The following LETM2 variants were observed in gnomAD, a reference collection of about 807,000 sequenced individuals.
LETM2 encodes the protein LETM1 domain-containing protein LETM2, mitochondrial.
In LETM2, 58 loss-of-function variants were observed where a neutral mutation model predicts 59.6. The observed-to-expected ratio is 0.97, with a 90% CI of 0.79 to 1.21. The LOEUF (loss-of-function observed/expected upper bound fraction) is 1.21. Ranked by LOEUF, LETM2 falls within the 50% of genes most tolerant of loss-of-function variation. LETM2 has a pLI of 0.00. For missense variants in LETM2, 572 were observed against 575.7 expected, an observed-to-expected ratio of 0.99 and a Z score of 0.07; for synonymous variants, 199 against 214.1, an observed-to-expected ratio of 0.93 and a Z score of 0.62.
intron 4 of LETM2, among the ~76,000 whole-genome samples, chr8:38,398,778 A>G (rs1409170627): frequency 6.9e-6 from 1 of 144,078 alleles, no homozygotes; most frequent in Non-Finnish European, 1.5e-5. Flanking sequence ...GCTGGAGTGC[A>G]GTAGCGTTAT....
At chr8:38,389,493 C>T (rs1812040296) in intron 2 of LETM2, among the ~76,000 whole-genome samples, 1 of 151,398 alleles carries the variant, frequency 6.6e-6, no homozygotes. Context: ...GCTGGGATTA[C>T]AGGCGTGAGC....
intron 6 of LETM2, 23 bp downstream of exon 6, chr8:38,401,076 AGG>A: frequency 6.3e-7 from 1 of 1,579,200 alleles, no homozygotes; most frequent in South Asian, 1.1e-5. Flanking sequence ...CCATAGCTCT[AGG>A]GAATTAGCAA....
chr8:38,401,577 C>A (rs1455854565), intron 6 of LETM2: 1 of 160,676 alleles, frequency 6.2e-6, no homozygotes, highest in Non-Finnish European at 1.4e-5. Flanking sequence ...TTGAGAAGGC[C>A]ATCATAAGCA....
intron 7 of LETM2, 74 bp downstream of exon 7, chr8:38,402,718 T>C: frequency 6.7e-7 from 1 of 1,484,250 alleles, no homozygotes; most frequent in South Asian, 1.1e-5. Flanking sequence ...CCTTATGTGA[T>C]TTCTCCTTTG....
upstream of LETM2, among the ~76,000 whole-genome samples, chr8:38,383,925 GT>G (rs1811673260): frequency 7.9e-6 from 1 of 127,162 alleles, no homozygotes; most frequent in South Asian, 2.3e-4. Context: ...GAGAGGCTAT[GT>G]CTCAAAAAAA....
rs1813530798 is a variant in LETM2 at position 38,404,411 on chromosome 8, A to G, written c.1123A>G (p.Lys375Glu). The G allele has an allele frequency of 6.2e-7, 1 of 1,612,982 alleles. No homozygotes were observed. Among genetic ancestry groups the G allele is most frequent in the Non-Finnish European group, 8.5e-7 (1 of 1,179,166 alleles). ...TCTCCAGTGGCAGGACCTCCACCTG[A>G]AGGAGAACGTCCCTCCTTCCCTTTT... Reference protein sequence around the residue: ...QLTEWQDLHLKENVPPSLLLL... With the variant: ...QLTEWQDLHLEENVPPSLLLL... Residue 375 changes from lysine (K) to glutamate (E), a missense_variant, in exon 8 of 11, where the codon AAG (lysine) becomes GAG (glutamate). Transcript: ENST00000379957.
intron 6 of LETM2, among the ~76,000 whole-genome samples, chr8:38,402,178 G>A (rs1813284319): frequency 1.3e-5 from 2 of 152,198 alleles, no homozygotes. Context: ...TACATTGTGA[G>A]CTTTTCAAGT....
intron 8 of LETM2, among the ~76,000 whole-genome samples, chr8:38,405,052 CTTGA>C (rs1373711303): frequency 1.3e-5 from 2 of 152,346 alleles, no homozygotes; most frequent in Non-Finnish European, 1.5e-5. Flanking sequence ...TTGAGCCCAG[CTTGA>C]TTGAGAATTT....
At position 38,408,211 on chromosome 8, in the gene LETM2, G is replaced by C. The variant is rs749717929; in HGVS notation, c.1414-1G>C. ...CTACAGTCCTTGTTTTTTACGCCTA[G>C]ACACTCCAGGCCAAATCACAAATGA... On this transcript the variant is annotated splice_acceptor_variant, in intron 10 of 10. Transcript: ENST00000379957. LOFTEE classifies it high-confidence loss of function. The C allele has an allele frequency of 1.2e-6, 2 of 1,612,262 alleles. No individual in the cohort carries two copies. Among genetic ancestry groups the C allele is most frequent in the Non-Finnish European group, 8.5e-7 (1 of 1,179,220 alleles).
intron 4 of LETM2, chr8:38,397,141 G>C (rs756524922): frequency 2.9e-5 from 13 of 456,088 alleles, no homozygotes; most frequent in South Asian, 2.0e-4. Context: ...TGGTAAGAAA[G>C]TGTGAACAAA....
At chr8:38,406,053 C>T (rs1297850291) in intron 8 of LETM2, among the ~76,000 whole-genome samples, 1 of 151,974 alleles carries the variant, frequency 6.6e-6, no homozygotes, top group Non-Finnish European at 1.5e-5. Context: ...TAGCCTTATC[C>T]CTCCAAAGTC....
At chr8:38,393,130 T>C (rs1292769981) in intron 3 of LETM2, 135 bp downstream of exon 3, 1 of 728,822 alleles carries the variant, frequency 1.4e-6, no homozygotes, top group Non-Finnish European at 2.2e-6. Context: ...TGAGAACCAG[T>C]TTCTTGTCTG....
At chr8:38,404,220 G>T in intron 7 of LETM2, 173 bp from the exon 8 acceptor site, 1 of 579,138 alleles carries the variant, frequency 1.7e-6, no homozygotes, top group Non-Finnish European at 3.1e-6. Context: ...CCCCCTCAGT[G>T]CAGAAGCCAG....
chr8:38,384,096 C>A (rs927452677), upstream of LETM2, among the ~76,000 whole-genome samples: 1 of 152,076 alleles, frequency 6.6e-6, no homozygotes, highest in Non-Finnish European at 1.5e-5. Context: ...TAGCTTAATT[C>A]TATCTCCAGG....
At chr8:38,401,187 G>C in intron 6 of LETM2, 134 bp downstream of exon 6, 1 of 713,358 alleles carries the variant, frequency 1.4e-6, no homozygotes, top group Non-Finnish European at 2.3e-6. Flanking sequence ...TGTCACCCAG[G>C]CTGCAGTGGC....
chr8:38,407,946 G>C (rs137933345), intron 10 of LETM2: 4 of 440,290 alleles, frequency 9.1e-6, no homozygotes, highest in African/African-American at 6.0e-5. Flanking sequence ...GTTGAAGTGG[G>C]AAGTGGCTCC....
chr8:38,385,363 C>CT (rs1811730754), upstream of LETM2, among the ~76,000 whole-genome samples: 1 of 152,088 alleles, frequency 6.6e-6, no homozygotes, highest in South Asian at 2.1e-4. Context: ...CGATTCCTTG[C>CT]TGTATGGTGG....
In LETM2 at chr8:38,393,271, T is replaced by C. The variant is rs1812443748; in HGVS notation, c.501+276T>C. On this transcript the variant is annotated intron_variant, in intron 3 of 10. Transcript: ENST00000379957. ...GTGCATGTTTGTAGAATAGTTATAA[T>C]TGTGTTTTTTAATCTTTCCAAGAAG... 3 of 318,780 alleles carry C rather than the reference T, an allele frequency of 9.4e-6. No individual in the cohort carries two copies. In the East Asian group the frequency reaches 1.8e-4, roughly 19 times the overall value. 19.7% of individuals were successfully genotyped at this position (318,780 alleles called of 1,614,324 possible).
chr8:38,400,449 G>A, intron 5 of LETM2, 40 bp downstream of exon 5: 1 of 1,519,172 alleles, frequency 6.6e-7, no homozygotes, highest in Non-Finnish European at 8.8e-7. Flanking sequence ...CTTCGGGGCT[G>A]GGCGTTCTAT....
Sources: gnomAD v4.1 joint callset for allele counts (sites outside exome capture counted in the v4.1 genomes callset) on GRCh38, gnomAD v4.1.1 for gene constraint, MANE v1.5 for transcripts, NCBI Gene and HGNC (gene_info 2026-07-23, HGNC 2026-07-21) for gene names.